Variants in STXBP5L observed in about 807,000 individuals in gnomAD.
The protein encoded by STXBP5L is syntaxin binding protein 5L, also known as syntaxin-binding protein 5-like.
A neutral mutation model predicts 144.5 loss-of-function variants in STXBP5L; 65 were observed. The ratio of observed to expected loss-of-function variants is 0.45; its 90% CI spans 0.37 to 0.55. The LOEUF (loss-of-function observed/expected upper bound fraction) is 0.55. Among genes scored for constraint, STXBP5L ranks in the 20% least tolerant of loss-of-function variants. The pLI is 0.00. For missense variants in STXBP5L, 1,298 were observed against 1,405.5 expected, an observed-to-expected ratio of 0.92 and a Z score of 1.22; for synonymous variants, 505 against 469.6, an observed-to-expected ratio of 1.08 and a Z score of -0.97.
chr3:121,266,549 C>T (rs1357337260), intron 18 of STXBP5L, among the ~76,000 whole-genome samples: 1 of 152,092 alleles, frequency 6.6e-6, no homozygotes, highest in Non-Finnish European at 1.5e-5. Flanking sequence ...GGGAGCATTC[C>T]CTTTGAAAAC....
At chr3:121,361,920 T>C (rs906038217) in intron 20 of STXBP5L, among the ~76,000 whole-genome samples, 5 of 152,194 alleles carry the variant, frequency 3.3e-5, no homozygotes, top group African/African-American at 1.2e-4. Context: ...TTGGGTCTTA[T>C]TTGTATCCAT....
chr3:120,962,817 C>T (rs549505298), intron 3 of STXBP5L, among the ~76,000 whole-genome samples: 124 of 152,284 alleles, frequency 8.1e-4, no homozygotes, highest in African/African-American at 2.9e-3. Context: ...TGAAGAAAGT[C>T]ATTGGTAGCT....
intron 14 of STXBP5L, among the ~76,000 whole-genome samples, chr3:121,243,769 A>G (rs1386734510): frequency 6.6e-6 from 1 of 152,186 alleles, no homozygotes; most frequent in Non-Finnish European, 1.5e-5. Context: ...TCCATTTACA[A>G]AATATAGTAA....
rs147578830 is a variant in STXBP5L at position 121,096,628 on chromosome 3, G to A, written c.471-18297G>A. 3.0e-3 allele frequency among the ~76,000 whole-genome samples: 461 copies of A among 152,146 alleles called. 3 individuals carry two copies. The highest frequency in any genetic ancestry group is 0.01 in the African/African-American group (431 of 41,504). On this transcript the variant is annotated intron_variant, in intron 5 of 26. Coordinates refer to ENST00000471454, the MANE Select transcript of STXBP5L (RefSeq NM_001308330.2). The stretch of plus-strand genomic sequence containing the variant: ...GCAGGTTGGCTGGAGTTTGCTGGAG[G>A]TCCACTACAGACGCTATTTGCCTGG...
At chr3:120,983,519 C>T (rs1196436294) in intron 3 of STXBP5L, among the ~76,000 whole-genome samples, 1 of 152,156 alleles carries the variant, frequency 6.6e-6, no homozygotes, top group Non-Finnish European at 1.5e-5. Context: ...GGGTTGGGCT[C>T]TCAGACTGGG....
At chr3:121,306,017 C>T (rs989155685) in intron 19 of STXBP5L, among the ~76,000 whole-genome samples, 6 of 151,934 alleles carry the variant, frequency 3.9e-5, no homozygotes, top group Non-Finnish European at 8.8e-5. Flanking sequence ...AAAAAAATAC[C>T]ATGTACAGGA....
intron 5 of STXBP5L, among the ~76,000 whole-genome samples, chr3:121,071,219 G>A (rs925303067): frequency 2.0e-5 from 3 of 152,214 alleles, no homozygotes; most frequent in Non-Finnish European, 2.9e-5. Context: ...AAGCTTGGCA[G>A]CATTTGCAAA....
chr3:121,254,353 C>T (rs2050138199), intron 15 of STXBP5L, among the ~76,000 whole-genome samples: 1 of 152,032 alleles, frequency 6.6e-6, no homozygotes, highest in South Asian at 2.1e-4. Context: ...AGAAAAGATC[C>T]CTTCTCAAAT....
At chr3:120,993,830 G>T (rs75391660) in intron 3 of STXBP5L, among the ~76,000 whole-genome samples, 2,225 of 151,884 alleles carry the variant, frequency 0.015, 58 homozygotes, top group African/African-American at 0.051. Flanking sequence ...CTATTTTTGT[G>T]AGAATATCAT....
intron 3 of STXBP5L, among the ~76,000 whole-genome samples, chr3:120,991,605 G>T (rs1240973808): frequency 6.6e-6 from 1 of 152,158 alleles, no homozygotes. Context: ...TGATAGACTG[G>T]ATTAAGAAAA....
rs184050961 is a variant in STXBP5L at position 121,060,102 on chromosome 3, G to T, written c.470+14567G>T. ...TTGCCCATTCAGTATGATATTGGCT[G>T]TGGGTTTGTCATAAATAGCTCTTAT... On this transcript the variant is annotated intron_variant, in intron 5 of 26. Coordinates refer to ENST00000471454, the MANE Select transcript of STXBP5L (RefSeq NM_001308330.2). Among the ~76,000 whole-genome samples the T allele has an allele frequency of 2.0e-3, 304 of 152,266 alleles. 2 individuals carry two copies. In the Middle Eastern group the frequency reaches 0.027, roughly 14 times the overall value.
intron 5 of STXBP5L, among the ~76,000 whole-genome samples, chr3:121,084,998 A>G (rs1333713450): frequency 1.3e-5 from 2 of 149,680 alleles, no homozygotes; most frequent in Non-Finnish European, 2.9e-5. Flanking sequence ...GTGTTTGTCA[A>G]CCGCATGTAT....
At chr3:120,965,262 G>T (rs1192156619) in intron 3 of STXBP5L, among the ~76,000 whole-genome samples, 1 of 152,100 alleles carries the variant, frequency 6.6e-6, no homozygotes, top group Non-Finnish European at 1.5e-5. Context: ...TTTAATTGGG[G>T]CATTTAGCCC....
At chr3:121,018,523 C>CAAAAAAAAAAAAAAA (rs139946627) in intron 3 of STXBP5L, among the ~76,000 whole-genome samples, 1 of 101,942 alleles carries the variant, frequency 9.8e-6, no homozygotes, top group Admixed American at 9.6e-5. Context: ...ATCCATATAC[C>CAAAAAAAAAAAAAAA]AAAAAAAAAA....
At chr3:121,247,105 G>C (rs1385833497) in intron 14 of STXBP5L, among the ~76,000 whole-genome samples, 1 of 152,154 alleles carries the variant, frequency 6.6e-6, no homozygotes, top group African/African-American at 2.4e-5. Context: ...AGCTGTTAAA[G>C]TAGAGTAAGC....
intron 3 of STXBP5L, among the ~76,000 whole-genome samples, chr3:120,971,551 G>A (rs1940254423): frequency 6.6e-6 from 1 of 151,694 alleles, no homozygotes; most frequent in Non-Finnish European, 1.5e-5. Context: ...TCTTAGGATA[G>A]TGGCCTCCAG....
At chr3:120,926,096 C>T (rs1709609311) in intron 2 of STXBP5L, among the ~76,000 whole-genome samples, 1 of 152,164 alleles carries the variant, frequency 6.6e-6, no homozygotes, top group Admixed American at 6.5e-5. Context: ...GTGGATTGCA[C>T]ACTACAGCTT....
At chr3:121,061,400 C>A (rs1476812088) in intron 5 of STXBP5L, among the ~76,000 whole-genome samples, 2 of 151,910 alleles carry the variant, frequency 1.3e-5, no homozygotes, top group South Asian at 2.1e-4. Context: ...AGTTATGTGG[C>A]CAGTTTTAGA....
At chr3:120,964,560 G>C (rs564765838) in intron 3 of STXBP5L, among the ~76,000 whole-genome samples, 1 of 152,012 alleles carries the variant, frequency 6.6e-6, no homozygotes, top group African/African-American at 2.4e-5. Context: ...AAGTTGTTCA[G>C]TTCCATGTGG....
Sources: gnomAD v4.1 joint callset for allele counts (sites outside exome capture counted in the v4.1 genomes callset) on GRCh38, gnomAD v4.1.1 for gene constraint, MANE v1.5 for transcripts, NCBI Gene and HGNC (gene_info 2026-07-23, HGNC 2026-07-21) for gene names.